COG5: variants seen among roughly 807,000 people sequenced by gnomAD.
The protein encoded by COG5 is conserved oligomeric Golgi complex subunit 5.
Under a neutral mutation model 110.4 loss-of-function variants are expected in COG5, and 86 were observed. The ratio of observed to expected loss-of-function variants is 0.78; its 90% confidence interval spans 0.65 to 0.93. The LOEUF (loss-of-function observed/expected upper bound fraction) is 0.93, where lower values mean the gene tolerates loss of function less well. Ranked by LOEUF, COG5 falls within the 40% of genes least tolerant of loss-of-function variation. COG5 has a pLI of 0.00. For synonymous variants in COG5, 360 were observed against 334.6 expected (o/e 1.08, Z -0.83); for missense variants, 1,077 against 987.0 (o/e 1.09, Z -1.22).
At chr7:107,359,375 G>A (rs1442955123) in intron 10 of COG5, among the ~76,000 whole-genome samples, 3 of 152,250 alleles carry the variant, frequency 2.0e-5, no homozygotes, top group Admixed American at 1.3e-4. Flanking sequence ...ACAAGCATGG[G>A]AGGAAGGCCG....
intron 7 of COG5, among the ~76,000 whole-genome samples, chr7:107,402,301 C>A (rs777604077): frequency 2.6e-5 from 4 of 152,124 alleles, no homozygotes; most frequent in African/African-American, 7.2e-5. Flanking sequence ...ACCACAGGGT[C>A]GAGATTATAG....
chr7:107,354,727 A>T (rs1812481066), intron 10 of COG5, among the ~76,000 whole-genome samples: 2 of 152,200 alleles, frequency 1.3e-5, no homozygotes, highest in Admixed American at 1.3e-4. Context: ...TATGATAGCA[A>T]ATTGTCAAGT....
intron 10 of COG5, among the ~76,000 whole-genome samples, chr7:107,339,307 T>C (rs935320537): frequency 3.3e-5 from 5 of 152,050 alleles, no homozygotes; most frequent in Admixed American, 3.3e-4. Flanking sequence ...AGTGCTCAAT[T>C]CAACAAAAAG....
chr7:107,276,898 C>G (rs891895635), intron 14 of COG5, among the ~76,000 whole-genome samples: 5 of 152,190 alleles, frequency 3.3e-5, no homozygotes, highest in Middle Eastern at 3.4e-3. Flanking sequence ...AAATGAAAAT[C>G]TAAAAAACCT....
chr7:107,393,970 T>TA (rs983886725), intron 7 of COG5, among the ~76,000 whole-genome samples: 17 of 108,116 alleles, frequency 1.6e-4, no homozygotes, highest in African/African-American at 4.4e-4. Context: ...TTATTATTAT[T>TA]TTTTTTTTTG....
At chr7:107,542,116 G>A (rs1802084340) in intron 5 of COG5, among the ~76,000 whole-genome samples, 2 of 152,040 alleles carry the variant, frequency 1.3e-5, no homozygotes, top group Non-Finnish European at 2.9e-5. Context: ...TCAGGGTAGA[G>A]AAAGTTATCT....
intron 16 of COG5, among the ~76,000 whole-genome samples, chr7:107,249,901 T>G (rs1014174545): frequency 6.6e-6 from 1 of 151,932 alleles, no homozygotes. Flanking sequence ...TTCCCAAGCA[T>G]AGGAGTTTGG....
At chr7:107,536,656 A>C (rs1478147742) in intron 5 of COG5, among the ~76,000 whole-genome samples, 1 of 152,240 alleles carries the variant, frequency 6.6e-6, no homozygotes, top group Non-Finnish European at 1.5e-5. Flanking sequence ...ATGGATAGGA[A>C]GAATCAATAT....
In COG5 at chr7:107,409,277, G is replaced by A. The variant is rs188705709; in HGVS notation, c.669+3225C>T. Among the ~76,000 whole-genome samples, 296 of 146,034 alleles carry A rather than the reference G, an allele frequency of 2.0e-3. 2 individuals are homozygous for A. The highest frequency in any genetic ancestry group is 6.8e-3 in the African/African-American group (271 of 39,812). ...ACAGGAGAGATTGAGATAAAGAAACGAAGAGAAGAAAGGTTGTCAAGAAGT... is the reference window on the plus strand; with the variant it reads ...ACAGGAGAGATTGAGATAAAGAAACAAAGAGAAGAAAGGTTGTCAAGAAGT... On this transcript the variant is annotated intron_variant, in intron 7 of 21. Transcript: ENST00000297135.
At chr7:107,551,843 T>C (rs978613701) in intron 3 of COG5, among the ~76,000 whole-genome samples, 4 of 152,184 alleles carry the variant, frequency 2.6e-5, no homozygotes, top group African/African-American at 7.2e-5. Flanking sequence ...TCTTGAACTC[T>C]GGGATCAAGT....
intron 16 of COG5, among the ~76,000 whole-genome samples, chr7:107,255,248 T>C (rs1802797766): frequency 6.6e-6 from 1 of 152,180 alleles, no homozygotes; most frequent in African/African-American, 2.4e-5. Flanking sequence ...CATTGATACA[T>C]ATGCCAACCT....
intron 6 of COG5, among the ~76,000 whole-genome samples, chr7:107,491,268 T>C (rs1797959319): frequency 6.6e-6 from 1 of 152,134 alleles, no homozygotes; most frequent in South Asian, 2.1e-4. Flanking sequence ...ACTTTGCTTC[T>C]TTATCTTCCA....
In COG5 at chr7:107,298,213, G is replaced by A. The variant is rs1396418214; in HGVS notation, c.1242C>T (p.Asp414=). 2 of 1,613,670 alleles carry A rather than the reference G, an allele frequency of 1.2e-6. No individual in the cohort carries two copies. The highest frequency in any genetic ancestry group is 1.7e-6 in the Non-Finnish European group (2 of 1,179,740). The change falls in exon 12 of 22, where the codon GAC becomes GAT. Residue 414 remains aspartate (D), a synonymous_variant. Coordinates refer to ENST00000297135, the MANE Select transcript of COG5 (RefSeq NM_006348.5). ...CCATGTGTTGTAGGTCAACATAGAG[G>A]TCTGTAGTTCCACTTGCATTAAAAT... ...QGNFNASGTT[D]LYVDLQHMED...
intron 6 of COG5, among the ~76,000 whole-genome samples, chr7:107,522,641 A>T (rs1390911165): frequency 6.6e-6 from 1 of 152,166 alleles, no homozygotes; most frequent in East Asian, 1.9e-4. Flanking sequence ...AAATAAAAAT[A>T]AAAAAATCTT....
At chr7:107,334,179 G>A (rs1451309910) in intron 10 of COG5, among the ~76,000 whole-genome samples, 2 of 152,098 alleles carry the variant, frequency 1.3e-5, no homozygotes, top group African/African-American at 4.8e-5. Flanking sequence ...AACGGATTAA[G>A]AAAATGTGGT....
At chr7:107,441,184 G>T (rs1455445048) in intron 6 of COG5, among the ~76,000 whole-genome samples, 1 of 150,498 alleles carries the variant, frequency 6.6e-6, no homozygotes, top group Non-Finnish European at 1.5e-5. Context: ...GAACCCAGGG[G>T]GGCAAAGGTT....
chr7:107,428,630 G>A (rs1234327974), intron 6 of COG5, among the ~76,000 whole-genome samples: 2 of 152,132 alleles, frequency 1.3e-5, no homozygotes, highest in South Asian at 2.1e-4. Context: ...TTGTTTTAAG[G>A]CACTCAGTTT....
Position 107,412,648 on chromosome 7 carries a change from A to G in COG5, c.539-16T>C, listed in dbSNP as rs1388077555. Reference sequence around the variant, plus strand: ...GAAAGATAATCTGTTTAAAACAAAAACATACACATTCAAATATTTCAATAC... The same window carrying G: ...GAAAGATAATCTGTTTAAAACAAAAGCATACACATTCAAATATTTCAATAC... On this transcript the variant is annotated splice_polypyrimidine_tract_variant and intron_variant, in intron 6 of 21. Coordinates refer to ENST00000297135, the MANE Select transcript of COG5 (RefSeq NM_006348.5). 1 of 1,407,104 alleles carries G rather than the reference A, an allele frequency of 7.1e-7. No individual in the cohort carries two copies. The highest frequency in any genetic ancestry group is 1.2e-5 in the South Asian group (1 of 86,520). 87.2% of individuals were successfully genotyped at this position (1,407,104 alleles called of 1,614,324 possible). A position where few individuals can be genotyped will look rare whatever the true frequency, so the allele number is the denominator to read the frequency against.
At chr7:107,269,818 A>T (rs1804098755) in intron 14 of COG5, among the ~76,000 whole-genome samples, 1 of 152,132 alleles carries the variant, frequency 6.6e-6, no homozygotes. Flanking sequence ...TCTCATTCTG[A>T]GTGAAGGCCA....
Sources: gnomAD v4.1 joint callset for allele counts (sites outside exome capture counted in the v4.1 genomes callset) on GRCh38, gnomAD v4.1.1 for gene constraint, MANE v1.5 for transcripts, NCBI Gene and HGNC (gene_info 2026-07-23, HGNC 2026-07-21) for gene names.